The following TBC1D8 variants were observed in gnomAD, a reference collection of about 807,000 sequenced individuals.
TBC1D8 encodes BUB2-like protein 1.
TBC1D8 carries 65 observed loss-of-function variants against 118.8 expected under a neutral mutation model. That is an observed-to-expected ratio of 0.55 (90% CI 0.45 to 0.67). The LOEUF is 0.67. TBC1D8 is among the 30% of genes least tolerant of loss of function. The probability of loss-of-function intolerance (pLI) is 0.00; values close to 1 mark genes in which losing one functional copy is unlikely to be tolerated. For synonymous variants in TBC1D8, 566 were observed against 595.8 expected (o/e 0.95, Z 0.73); for missense variants, 1,376 against 1,471.2 (o/e 0.94, Z 1.06).
At position 101,072,967 on chromosome 2, in the gene TBC1D8, T is replaced by C. The variant is rs562662613; in HGVS notation, c.284-13428A>G. ...AAGGGGACAAAACACCCAAATCATA[T>C]CAGTGGGCTTCAGATATTCAGTAAA... On this transcript the variant is annotated intron_variant, in intron 2 of 19. Coordinates refer to ENST00000409318, the MANE Select transcript of TBC1D8 (RefSeq NM_001330348.2). Among the ~76,000 whole-genome samples, 5 of 152,306 alleles carry C rather than the reference T, an allele frequency of 3.3e-5. No homozygotes were observed. In the South Asian group the frequency reaches 1.0e-3, roughly 32 times the overall value.
chr2:101,138,557 C>T (rs1573106103), intron 1 of TBC1D8, among the ~76,000 whole-genome samples: 2 of 152,206 alleles, frequency 1.3e-5, no homozygotes, highest in East Asian at 3.9e-4. Context: ...GTCAGGGGTT[C>T]CCATAACCCC....
intron 1 of TBC1D8, among the ~76,000 whole-genome samples, chr2:101,146,185 G>C (rs1679310479): frequency 6.6e-6 from 1 of 152,132 alleles, no homozygotes; most frequent in South Asian, 2.1e-4. Flanking sequence ...CCTTTCTTAA[G>C]GCTGAGTTAT....
chr2:101,007,848 TTG>T lies in TBC1D8; in HGVS notation c.3439_3440del (p.Gln1147IlefsTer2). The T allele has an allele frequency of 6.2e-7, 1 of 1,613,302 alleles. No individual in the cohort carries two copies. Among genetic ancestry groups the T allele is most frequent in the Non-Finnish European group, 8.5e-7 (1 of 1,179,864 alleles). ...LKTFEMSHQS[Q>X]SELKLSNL ...ACAAGTTACTCAGCTTAAGTTCAGATTGTGATTGGTGGCTCATTTCAAAAGTT... is the reference window on the plus strand; with the variant it reads ...ACAAGTTACTCAGCTTAAGTTCAGATTGATTGGTGGCTCATTTCAAAAGTT... On this transcript the variant is annotated frameshift_variant, in exon 20 of 20. Coordinates refer to ENST00000409318, the MANE Select transcript of TBC1D8 (RefSeq NM_001330348.2). LOFTEE classifies it high-confidence loss of function.
At position 101,007,690 on chromosome 2, in the gene TBC1D8, TGTCAGGTTGTTTA is replaced by T; in HGVS notation, c.*118_*130del. On this transcript the variant is annotated 3_prime_UTR_variant, in exon 20 of 20. Transcript: ENST00000409318. Reference sequence around the variant, plus strand: ...TGTGTCGGTTCCCCTGGCCACAGTTTGTCAGGTTGTTTAGCCAGATGCCCCATTGGTAAGGTAG... The same window carrying T: ...TGTGTCGGTTCCCCTGGCCACAGTTTGCCAGATGCCCCATTGGTAAGGTAG... The T allele has an allele frequency of 1.1e-6, 1 of 912,038 alleles. No individual in the cohort carries two copies. Among genetic ancestry groups the T allele is most frequent in the Non-Finnish European group, 1.7e-6 (1 of 595,314 alleles). The allele number at this position is 912,038 out of a possible 1,614,324, so 56.5% of individuals were successfully genotyped here.
intron 9 of TBC1D8, 127 bp from the exon 10 acceptor site, chr2:101,033,885 C>T (rs1259225443): frequency 1.3e-5 from 15 of 1,131,864 alleles, no homozygotes; most frequent in East Asian, 5.2e-5. Context: ...AAATATTGGC[C>T]GGGTGCGGTG....
intron 7 of TBC1D8, among the ~76,000 whole-genome samples, chr2:101,037,976 C>T (rs1681131590): frequency 6.6e-6 from 1 of 152,154 alleles, no homozygotes; most frequent in African/African-American, 2.4e-5. Context: ...CCCCAGCCTC[C>T]CCTCAGCTTA....
At chr2:101,146,782 C>A (rs923295257) in intron 1 of TBC1D8, among the ~76,000 whole-genome samples, 38 of 152,202 alleles carry the variant, frequency 2.5e-4, no homozygotes, top group Admixed American at 2.2e-3. Flanking sequence ...CCACCACAGT[C>A]ACCCTACTGT....
intron 1 of TBC1D8, among the ~76,000 whole-genome samples, chr2:101,115,453 T>C (rs1394369881): frequency 6.6e-6 from 1 of 152,202 alleles, no homozygotes; most frequent in Non-Finnish European, 1.5e-5. Context: ...AGTTGCAGCC[T>C]TCAAGATTCT....
At chr2:101,016,810 A>T (rs1437038533) in intron 17 of TBC1D8, among the ~76,000 whole-genome samples, 1 of 152,142 alleles carries the variant, frequency 6.6e-6, no homozygotes, top group Admixed American at 6.5e-5. Context: ...CATTCTCAGT[A>T]AACTATCACA....
intron 12 of TBC1D8, chr2:101,028,637 TC>T: frequency 1.7e-6 from 1 of 593,222 alleles, no homozygotes; most frequent in Non-Finnish European, 2.7e-6. Context: ...CAGGTGGCTT[TC>T]CAGGCCTGAA....
chr2:101,029,902 T>C (rs1315813044), intron 11 of TBC1D8, 126 bp from the exon 12 acceptor site: 15 of 946,956 alleles, frequency 1.6e-5, no homozygotes, highest in Non-Finnish European at 2.3e-5. Flanking sequence ...AAAGCGTCCA[T>C]GCTTAGTTCA....
intron 2 of TBC1D8, among the ~76,000 whole-genome samples, chr2:101,078,753 CAAAAA>C: frequency 2.8e-5 from 3 of 108,106 alleles, no homozygotes; most frequent in South Asian, 3.3e-4. Context: ...CCTTTCTTAG[CAAAAA>C]AAAAAAAAAA....
chr2:101,151,066 G>A (rs899687911), intron 1 of TBC1D8, 61 bp downstream of exon 1: 22 of 978,004 alleles, frequency 2.2e-5, no homozygotes, highest in Non-Finnish European at 7.3e-6. Context: ...GGGGGCCGCG[G>A]GCCCGGCGGG....
chr2:101,012,206 CATAT>C (rs1679270122), intron 17 of TBC1D8, among the ~76,000 whole-genome samples: 1 of 152,216 alleles, frequency 6.6e-6, no homozygotes, highest in Non-Finnish European at 1.5e-5. Context: ...CTCACTTCTA[CATAT>C]ACACCCAAGA....
At chr2:101,145,244 T>G (rs1434739825) in intron 1 of TBC1D8, among the ~76,000 whole-genome samples, 1 of 152,346 alleles carries the variant, frequency 6.6e-6, no homozygotes, top group Non-Finnish European at 1.5e-5. Flanking sequence ...AATGCAACTC[T>G]TGGAAACCTC....
At chr2:101,149,028 C>A (rs1473815885) in intron 1 of TBC1D8, among the ~76,000 whole-genome samples, 3 of 152,152 alleles carry the variant, frequency 2.0e-5, no homozygotes, top group Non-Finnish European at 4.4e-5. Context: ...GCATTGGCTT[C>A]CCAGCTAAAT....
chr2:101,009,692 G>C (rs1030990735), intron 19 of TBC1D8, among the ~76,000 whole-genome samples: 6 of 151,846 alleles, frequency 4.0e-5, no homozygotes, highest in Non-Finnish European at 8.8e-5. Context: ...AACATGCTAC[G>C]AAACACTAAT....
At chr2:101,098,588 A>T (rs1339968896) in intron 1 of TBC1D8, among the ~76,000 whole-genome samples, 1 of 152,230 alleles carries the variant, frequency 6.6e-6, no homozygotes, top group Non-Finnish European at 1.5e-5. Flanking sequence ...CACGGCACTT[A>T]TTCTAAAATT....
intron 1 of TBC1D8, among the ~76,000 whole-genome samples, chr2:101,131,408 G>A (rs576811008): frequency 6.6e-6 from 1 of 152,226 alleles, no homozygotes. Flanking sequence ...CCAGCTACTC[G>A]GGAGGCTGAG....
Sources: gnomAD v4.1 joint callset for allele counts (sites outside exome capture counted in the v4.1 genomes callset) on GRCh38, gnomAD v4.1.1 for gene constraint, MANE v1.5 for transcripts, NCBI Gene and HGNC (gene_info 2026-07-23, HGNC 2026-07-21) for gene names.